GSE1: variants seen among roughly 807,000 people sequenced by gnomAD.
The protein encoded by GSE1 is genetic suppressor element 1.
Under a neutral mutation model 112.6 loss-of-function variants are expected in GSE1, and 32 were observed. The observed-to-expected ratio is 0.28, with a 90% CI of 0.21 to 0.38. The LOEUF (loss-of-function observed/expected upper bound fraction) is 0.38, where lower values mean the gene tolerates loss of function less well. GSE1 is among the 10% of genes least tolerant of loss of function. The pLI, the probability that GSE1 is intolerant of heterozygous loss-of-function variation, is 1.00. For synonymous variants in GSE1, 1,115 were observed against 735.6 expected (o/e 1.52, Z -8.35); for missense variants, 2,348 against 1,699.2 (o/e 1.38, Z -6.71).
chr16:85,181,744 C>T (rs779538835), intron 1 of GSE1, among the ~76,000 whole-genome samples: 50 of 152,098 alleles, frequency 3.3e-4, no homozygotes, highest in Non-Finnish European at 5.9e-4. Flanking sequence ...CTTCCAGACA[C>T]GACAGGACTG....
At chr16:85,412,994 C>G (rs1381341812) in intron 2 of GSE1, among the ~76,000 whole-genome samples, 4 of 152,220 alleles carry the variant, frequency 2.6e-5, no homozygotes, top group Non-Finnish European at 5.9e-5. Context: ...GGTTATAATG[C>G]TGAGCCTTTA....
chr16:85,353,731 G>A (rs35674767), intron 1 of GSE1, among the ~76,000 whole-genome samples: 11,818 of 152,272 alleles, frequency 0.078, 579 homozygotes, highest in Non-Finnish European at 0.11. Context: ...GATCTGTCAA[G>A]GTGGGGCTCA....
intron 1 of GSE1, among the ~76,000 whole-genome samples, chr16:85,233,262 G>A (rs554955292): frequency 2.0e-5 from 3 of 152,368 alleles, no homozygotes; most frequent in East Asian, 1.9e-4. Flanking sequence ...GCATCATTTC[G>A]TCTTCTTAAT....
At chr16:85,220,200 G>C (rs137997762) in intron 1 of GSE1, among the ~76,000 whole-genome samples, 1 of 152,238 alleles carries the variant, frequency 6.6e-6, no homozygotes, top group Non-Finnish European at 1.5e-5. Context: ...CCCCGCACCT[G>C]GGATTTCAAG....
intron 1 of GSE1, among the ~76,000 whole-genome samples, chr16:85,562,271 C>G (rs575530403): frequency 1.3e-5 from 2 of 152,236 alleles, no homozygotes; most frequent in Non-Finnish European, 2.9e-5. Context: ...GAGGCCGCCA[C>G]GGTTCCATCT....
At chr16:85,224,913 A>C (rs1033186676) in intron 1 of GSE1, among the ~76,000 whole-genome samples, 2 of 152,044 alleles carry the variant, frequency 1.3e-5, no homozygotes, top group Admixed American at 1.3e-4. Context: ...GCAGATCACG[A>C]GGTCAGGAGT....
intron 1 of GSE1, among the ~76,000 whole-genome samples, chr16:85,569,278 G>A (rs1030565049): frequency 1.1e-4 from 17 of 152,296 alleles, no homozygotes; most frequent in African/African-American, 2.2e-4. Flanking sequence ...AGGAGTGGCC[G>A]CTCCCTGCTC....
intron 1 of GSE1, among the ~76,000 whole-genome samples, chr16:85,246,672 A>G (rs1035918673): frequency 2.6e-5 from 4 of 151,406 alleles, no homozygotes; most frequent in African/African-American, 9.7e-5. Context: ...CACCAGGCCC[A>G]CCCCACTCCC....
chr16:85,484,690 ACCT>A (rs1276394384), intron 2 of GSE1, among the ~76,000 whole-genome samples: 1 of 151,910 alleles, frequency 6.6e-6, no homozygotes, highest in African/African-American at 2.4e-5. Context: ...AAGCTCAGTA[ACCT>A]CCTTCAATTG....
At position 85,429,954 on chromosome 16, in the gene GSE1, T is replaced by C. The variant is rs191908619; in HGVS notation, c.2464+72311T>C. Among the ~76,000 whole-genome samples, 49 of 152,362 alleles carry C rather than the reference T, an allele frequency of 3.2e-4. No homozygotes were observed. The Middle Eastern group carries it at 0.01, about 32-fold the overall frequency. On this transcript the variant is annotated intron_variant, in intron 2 of 2. Coordinates refer to the GSE1 transcript ENST00000637419. The stretch of plus-strand genomic sequence containing the variant: ...TTCTCCTCCGTGCAGTTCCCAGGAC[T>C]GTGAACAGAGCCTGGCATTCTGCGG...
intron 1 of GSE1, among the ~76,000 whole-genome samples, chr16:85,307,475 A>G (rs1210168746): frequency 1.3e-5 from 2 of 152,188 alleles, no homozygotes; most frequent in East Asian, 3.9e-4. Context: ...TTTATTACAG[A>G]TGCAGGTTTA....
At chr16:85,608,685 C>T (rs894226457), upstream of GSE1, among the ~76,000 whole-genome samples, 1 of 152,192 alleles carries the variant, frequency 6.6e-6, no homozygotes, top group African/African-American at 2.4e-5. Flanking sequence ...TCTCCCCACT[C>T]GGGCTGTGTA....
At chr16:85,207,743 GGAC>G (rs2075145289) in intron 1 of GSE1, 2 of 152,264 alleles carry the variant, frequency 1.3e-5, no homozygotes, top group South Asian at 4.1e-4. Context: ...GAGCGGAGGA[GGAC>G]GTCACTTGAC....
At chr16:85,633,872 C>T in intron 1 of GSE1, 42 bp from the exon 2 acceptor site, 2 of 1,533,890 alleles carry the variant, frequency 1.3e-6, no homozygotes, top group Non-Finnish European at 1.8e-6. Context: ...CTGGGCGCTC[C>T]TGCTCTCTGG....
chr16:85,555,256 G>T (rs2045142736), upstream of GSE1: 2 of 985,274 alleles, frequency 2.0e-6, no homozygotes, highest in Non-Finnish European at 2.4e-6. Flanking sequence ...CTCCACCGCC[G>T]TGCGCTCTCG....
chr16:85,422,368 G>GT (rs1491501251), intron 2 of GSE1, among the ~76,000 whole-genome samples: 4 of 151,630 alleles, frequency 2.6e-5, no homozygotes, highest in South Asian at 2.1e-4. Context: ...GCTGGGCGGG[G>GT]CGGGGGGGGG....
intron 1 of GSE1, among the ~76,000 whole-genome samples, chr16:85,326,559 C>G (rs894339077): frequency 3.3e-5 from 5 of 152,362 alleles, no homozygotes; most frequent in Non-Finnish European, 7.3e-5. Flanking sequence ...CACTCACTGT[C>G]TCTCCTGTCG....
intron 2 of GSE1, among the ~76,000 whole-genome samples, chr16:85,416,672 C>A (rs2048710419): frequency 6.6e-6 from 1 of 152,350 alleles, no homozygotes; most frequent in Non-Finnish European, 1.5e-5. Flanking sequence ...GGTTTCCTTG[C>A]TAAGATTCTT....
intron 1 of GSE1, among the ~76,000 whole-genome samples, chr16:85,246,366 CACCACACGCTGTCT>C (rs1905753197): frequency 7.9e-6 from 1 of 126,262 alleles, no homozygotes; most frequent in African/African-American, 3.2e-5. Context: ...CACACACACA[CACCACACGCTGTCT>C]ACACACACAC....
Sources: gnomAD v4.1 joint callset for allele counts (sites outside exome capture counted in the v4.1 genomes callset) on GRCh38, gnomAD v4.1.1 for gene constraint, MANE v1.5 for transcripts, NCBI Gene and HGNC (gene_info 2026-07-23, HGNC 2026-07-21) for gene names.